Variants in LRBA observed in about 807,000 individuals in gnomAD.
LRBA encodes the protein lipopolysaccharide-responsive and beige-like anchor protein.
Under a neutral mutation model 330.0 loss-of-function variants are expected in LRBA, and 176 were observed. The observed-to-expected ratio is 0.53, with a 90% CI of 0.47 to 0.60. The LOEUF is 0.60. LRBA is among the 20% of genes least tolerant of loss of function. LRBA has a pLI of 0.00. For missense variants in LRBA, 3,259 were observed against 3,444.8 expected (o/e 0.95, Z 1.35); for synonymous variants, 1,230 against 1,193.0 (o/e 1.03, Z -0.64).
In LRBA at chr4:150,841,114, T is replaced by C. The variant is rs567648900; in HGVS notation, c.4569+2986A>G. The C allele has an allele frequency of 7.4e-5, 23 of 311,580 alleles. No homozygotes were observed. In the Admixed American group the frequency reaches 8.2e-4, roughly 11 times the overall value. 19.3% of individuals were successfully genotyped at this position (311,580 alleles called of 1,614,324 possible). On this transcript the variant is annotated intron_variant, in intron 28 of 56. Transcript: ENST00000651943. Reference sequence around the variant, plus strand: ...ATAAACCACCCCTTTTCTCTAGACATACCCATGTTCTTCTGCCACACAATT... The same window carrying C: ...ATAAACCACCCCTTTTCTCTAGACACACCCATGTTCTTCTGCCACACAATT...
At position 150,646,717 on chromosome 4, in the gene LRBA, G is replaced by C. The variant is rs573154354; in HGVS notation, c.5921+36834C>G. Among the ~76,000 whole-genome samples the C allele has an allele frequency of 2.0e-5, 3 of 152,158 alleles. No individual in the cohort carries two copies. In the East Asian group the frequency reaches 5.8e-4, roughly 29 times the overall value. ...GAGAAAATGATCAACTGTGTCATAT[G>C]TCAATAGATAAGCATACTCACTATA... On this transcript the variant is annotated intron_variant, in intron 37 of 56. Transcript: ENST00000651943.
Position 150,282,603 on chromosome 4 carries a change from C to G in LRBA, c.8163G>C (p.Arg2721Ser). ...LIHSMNGDLLRTLEGPENCLK... is the reference protein window; with the variant it reads ...LIHSMNGDLLSTLEGPENCLK... ...GGCAGTTTTCAGGACCCTCCAAGGT[C>G]CTCAACAAGTCTCCATTCATGGAAT... Residue 2721 changes from arginine (R) to serine (S), a missense_variant, in exon 55 of 57, where the codon AGG becomes AGC. By Grantham distance (110) the Arg-to-Ser change is moderately radical. Transcript: ENST00000651943. The G allele has an allele frequency of 1.2e-6, 2 of 1,613,580 alleles. No individual in the cohort carries two copies. The highest frequency in any genetic ancestry group is 1.7e-6 in the Non-Finnish European group (2 of 1,179,712).
At chr4:150,658,516 CCTCT>C (rs1437279232) in intron 37 of LRBA, among the ~76,000 whole-genome samples, 1 of 20 alleles carries the variant, frequency 0.05, no homozygotes, top group Admixed American at 0.25. Context: ...TCTCCCTCTC[CCTCT>C]CCCTCTCCCT....
chr4:150,560,225 T>A (rs1417361831), intron 40 of LRBA, among the ~76,000 whole-genome samples: 2 of 151,624 alleles, frequency 1.3e-5, no homozygotes, highest in Non-Finnish European at 2.9e-5. Context: ...TATTTACTAA[T>A]AACATACATT....
Position 150,293,154 on chromosome 4 carries a change from C to T in LRBA, c.8018-7120G>A, listed in dbSNP as rs1403175309. On this transcript the variant is annotated intron_variant, in intron 53 of 56. Transcript: ENST00000651943. The stretch of plus-strand genomic sequence containing the variant: ...CCAGTCATTTCCTAAAGACGGATAC[C>T]TCTATTTTACATGTGCCTTTTGTAC... Among the ~76,000 whole-genome samples, 5 of 151,966 alleles carry T rather than the reference C, an allele frequency of 3.3e-5. No individual in the cohort carries two copies. In the East Asian group the frequency reaches 9.6e-4, roughly 29 times the overall value.
chr4:150,789,066 T>C (rs1367469786), intron 34 of LRBA, among the ~76,000 whole-genome samples: 1 of 152,126 alleles, frequency 6.6e-6, no homozygotes, highest in East Asian at 1.9e-4. Context: ...AGAGTGAGAC[T>C]CTGTCTCAAA....
intron 53 of LRBA, 30 bp downstream of exon 53, chr4:150,302,595 A>G (rs764101860): frequency 6.4e-7 from 1 of 1,556,054 alleles, no homozygotes; most frequent in South Asian, 1.2e-5. Context: ...ATCCTTGTAA[A>G]AGTTTACTTA....
intron 44 of LRBA, among the ~76,000 whole-genome samples, chr4:150,453,658 T>C (rs1753663826): frequency 6.6e-6 from 1 of 152,154 alleles, no homozygotes; most frequent in South Asian, 2.1e-4. Context: ...AGCTTTCAAC[T>C]TTTCCTGTAA....
intron 37 of LRBA, among the ~76,000 whole-genome samples, chr4:150,681,393 T>C (rs1042968071): frequency 3.9e-5 from 6 of 152,168 alleles, no homozygotes; most frequent in Non-Finnish European, 8.8e-5. Context: ...TTTTCTTACA[T>C]GGACCTTAAA....
At chr4:150,768,084 GT>G (rs70941439) in intron 34 of LRBA, among the ~76,000 whole-genome samples, 91,106 of 115,994 alleles carry the variant, frequency 0.79, 38,034 homozygotes, top group Middle Eastern at 0.93. Flanking sequence ...AAAAAAAAAA[GT>G]TTTTTTTTTC....
At chr4:150,726,256 C>T (rs1487153137) in intron 36 of LRBA, among the ~76,000 whole-genome samples, 2 of 152,132 alleles carry the variant, frequency 1.3e-5, no homozygotes, top group Admixed American at 1.3e-4. Flanking sequence ...AAGAAACACA[C>T]TTCACCTATA....
chr4:150,286,809 A>ATGGT (rs756315382), intron 53 of LRBA, among the ~76,000 whole-genome samples: 38 of 152,240 alleles, frequency 2.5e-4, no homozygotes, highest in Middle Eastern at 3.4e-3. Flanking sequence ...AAGAAAACGT[A>ATGGT]TGGTTGGTTG....
chr4:150,765,246 T>C (rs909946493), intron 34 of LRBA, among the ~76,000 whole-genome samples: 1 of 152,042 alleles, frequency 6.6e-6, no homozygotes. Context: ...AAAAGATCCG[T>C]GTTTATAGGG....
At chr4:150,742,340 G>C (rs1334735388) in intron 35 of LRBA, among the ~76,000 whole-genome samples, 1 of 151,768 alleles carries the variant, frequency 6.6e-6, no homozygotes, top group Non-Finnish European at 1.5e-5. Context: ...TAGAGACAGG[G>C]TCTCACTATG....
At chr4:150,757,321 GAAC>G (rs1409971474) in intron 35 of LRBA, among the ~76,000 whole-genome samples, 2 of 152,112 alleles carry the variant, frequency 1.3e-5, no homozygotes, top group Non-Finnish European at 2.9e-5. Flanking sequence ...ATCATAGCTA[GAAC>G]AACATCAGCA....
At chr4:150,581,628 T>C (rs1488219475) in intron 40 of LRBA, 4 of 160,976 alleles carry the variant, frequency 2.5e-5, no homozygotes, top group South Asian at 1.7e-4. Context: ...GTCCCTTCTA[T>C]ATAAACTCTT....
chr4:150,731,320 T>C (rs1323480957), intron 36 of LRBA, among the ~76,000 whole-genome samples: 3 of 152,150 alleles, frequency 2.0e-5, no homozygotes, highest in African/African-American at 7.2e-5. Flanking sequence ...AATCAGTATA[T>C]TGAAGATATA....
intron 41 of LRBA, among the ~76,000 whole-genome samples, chr4:150,489,200 T>TATATATA (rs1491514019): frequency 1.6e-5 from 1 of 63,808 alleles, no homozygotes; most frequent in South Asian, 3.6e-4. Context: ...TATATATAAG[T>TATATATA]ATATATTATA....
chr4:150,596,739 A>G (rs1440727762), intron 38 of LRBA, among the ~76,000 whole-genome samples: 3 of 151,824 alleles, frequency 2.0e-5, no homozygotes, highest in African/African-American at 7.2e-5. Context: ...GAATGTCACC[A>G]TAAAATATTT....
Sources: allele counts gnomAD v4.1 joint callset (sites outside exome capture counted in the v4.1 genomes callset), GRCh38; gene constraint gnomAD v4.1.1; transcripts MANE v1.5; gene names NCBI Gene and HGNC (gene_info 2026-07-23, HGNC 2026-07-21).